The following CAMKMT variants were observed in gnomAD, a reference collection of about 807,000 sequenced individuals.
CAMKMT encodes calmodulin-lysine N-methyltransferase, also known as CaM KMT.
CAMKMT carries 53 observed loss-of-function variants against 48.0 expected under a neutral mutation model. The observed-to-expected ratio is 1.10, with a 90% confidence interval of 0.89 to 1.39. The LOEUF (loss-of-function observed/expected upper bound fraction) is 1.39. Among genes scored for constraint, CAMKMT ranks in the 40% most tolerant of loss-of-function variants. The pLI is 0.00. For missense variants in CAMKMT, 428 were observed against 402.7 expected (o/e 1.06, Z -0.54); for synonymous variants, 165 against 152.3 (o/e 1.08, Z -0.61).
chr2:44,455,302 G>T lies in CAMKMT; in HGVS notation c.376+64997G>T, dbSNP rs1305392965. ...ATGGGCAGGATGAAAGAAGTCACCA[G>T]CGATTCCAGTGGATGCTTTCTGTGT... On this transcript the variant is annotated intron_variant, in intron 3 of 10. Coordinates refer to ENST00000378494, the MANE Select transcript of CAMKMT (RefSeq NM_024766.5). 2.6e-5 allele frequency among the ~76,000 whole-genome samples: 4 copies of T among 152,172 alleles called. No homozygotes were observed. In the East Asian group the frequency reaches 7.7e-4, roughly 29 times the overall value.
At chr2:44,623,642 G>A (rs1672316998) in intron 3 of CAMKMT, among the ~76,000 whole-genome samples, 1 of 152,056 alleles carries the variant, frequency 6.6e-6, no homozygotes, top group African/African-American at 2.4e-5. Flanking sequence ...TTGTAGATGT[G>A]TGGCTTTATC....
chr2:44,380,077 TG>T (rs1680087113), intron 2 of CAMKMT, among the ~76,000 whole-genome samples: 2 of 152,196 alleles, frequency 1.3e-5, no homozygotes, highest in Non-Finnish European at 2.9e-5. Context: ...TTCAACCTCT[TG>T]GCATGTTTAG....
At chr2:44,749,283 T>C (rs1353500780) in intron 8 of CAMKMT, among the ~76,000 whole-genome samples, 1 of 152,162 alleles carries the variant, frequency 6.6e-6, no homozygotes, top group East Asian at 1.9e-4. Flanking sequence ...GAAGAGAACC[T>C]AGTCTGTTGA....
chr2:44,407,174 C>G (rs1203922845), intron 3 of CAMKMT, among the ~76,000 whole-genome samples: 1 of 152,114 alleles, frequency 6.6e-6, no homozygotes, highest in Non-Finnish European at 1.5e-5. Flanking sequence ...CTATCATTAT[C>G]TTGTGCTTAG....
At chr2:44,552,248 A>C (rs1667755860) in intron 3 of CAMKMT, among the ~76,000 whole-genome samples, 1 of 152,154 alleles carries the variant, frequency 6.6e-6, no homozygotes, top group African/African-American at 2.4e-5. Context: ...ATGTATGTTC[A>C]CAGTGATACA....
chr2:44,454,142 T>C (rs34628377), intron 3 of CAMKMT, among the ~76,000 whole-genome samples: 3 of 152,132 alleles, frequency 2.0e-5, no homozygotes, highest in Non-Finnish European at 4.4e-5. Context: ...AAAACATATA[T>C]TTTTAACTCA....
intron 9 of CAMKMT, among the ~76,000 whole-genome samples, chr2:44,760,777 G>C (rs1224129109): frequency 6.6e-6 from 1 of 152,132 alleles, no homozygotes; most frequent in African/African-American, 2.4e-5. Context: ...GGGTAGATTG[G>C]AGTAAGGGAG....
intron 3 of CAMKMT, among the ~76,000 whole-genome samples, chr2:44,611,250 G>C (rs1671581750): frequency 6.6e-6 from 1 of 152,008 alleles, no homozygotes; most frequent in Non-Finnish European, 1.5e-5. Context: ...TGGCCAACAT[G>C]GTGAAACCCC....
At chr2:44,383,641 C>T (rs1572701184) in intron 2 of CAMKMT, among the ~76,000 whole-genome samples, 1 of 152,150 alleles carries the variant, frequency 6.6e-6, no homozygotes, top group Non-Finnish European at 1.5e-5. Flanking sequence ...TCCCACTCTT[C>T]CCCGCAAGTC....
intron 3 of CAMKMT, among the ~76,000 whole-genome samples, chr2:44,423,368 C>T (rs1181445753): frequency 1.3e-5 from 2 of 152,010 alleles, no homozygotes; most frequent in Admixed American, 6.6e-5. Context: ...GTAGTAGAGA[C>T]GGGGTGTTAC....
intron 3 of CAMKMT, among the ~76,000 whole-genome samples, chr2:44,561,889 A>G (rs1290568405): frequency 1.3e-5 from 2 of 152,206 alleles, no homozygotes; most frequent in Admixed American, 6.5e-5. Flanking sequence ...GGAAAAGTCA[A>G]GGAAATCACT....
chr2:44,397,750 A>G (rs1487297654), intron 3 of CAMKMT, among the ~76,000 whole-genome samples: 2 of 152,202 alleles, frequency 1.3e-5, no homozygotes, highest in Non-Finnish European at 2.9e-5. Flanking sequence ...TTTTTAATGT[A>G]TTTTAAAAAT....
intron 3 of CAMKMT, among the ~76,000 whole-genome samples, chr2:44,573,988 C>G (rs1473000131): frequency 6.6e-6 from 1 of 152,118 alleles, no homozygotes; most frequent in Non-Finnish European, 1.5e-5. Context: ...TGATTATTCT[C>G]TGTAAATTTT....
chr2:44,516,075 C>A (rs1670817217), intron 3 of CAMKMT, among the ~76,000 whole-genome samples: 1 of 152,168 alleles, frequency 6.6e-6, no homozygotes, highest in Non-Finnish European at 1.5e-5. Context: ...AAAATTATTT[C>A]ATTGCTTACG....
chr2:44,755,653 G>T (rs1680340837), intron 9 of CAMKMT, among the ~76,000 whole-genome samples: 1 of 152,088 alleles, frequency 6.6e-6, no homozygotes, highest in African/African-American at 2.4e-5. Flanking sequence ...CAATAGAAAA[G>T]TGCCCAAGCT....
At chr2:44,522,346 A>G (rs1671163722) in intron 3 of CAMKMT, among the ~76,000 whole-genome samples, 1 of 152,034 alleles carries the variant, frequency 6.6e-6, no homozygotes, top group African/African-American at 2.4e-5. Flanking sequence ...TTCTGTCTAA[A>G]CTGATACAAT....
intron 3 of CAMKMT, among the ~76,000 whole-genome samples, chr2:44,442,850 C>T (rs1666756458): frequency 6.6e-6 from 1 of 152,212 alleles, no homozygotes. Context: ...ATATCCTTAA[C>T]ATCTAGCACA....
At chr2:44,568,261 T>A (rs1360434940) in intron 3 of CAMKMT, among the ~76,000 whole-genome samples, 1 of 152,188 alleles carries the variant, frequency 6.6e-6, no homozygotes. Context: ...GGACCCTACT[T>A]TCATCAGTGC....
chr2:44,678,409 G>A (rs1242761034), intron 3 of CAMKMT, among the ~76,000 whole-genome samples: 1 of 152,136 alleles, frequency 6.6e-6, no homozygotes, highest in Non-Finnish European at 1.5e-5. Flanking sequence ...GAGATCATGA[G>A]GCTGCTTACT....
Sources: gnomAD v4.1 joint callset for allele counts (sites outside exome capture counted in the v4.1 genomes callset) on GRCh38, gnomAD v4.1.1 for gene constraint, MANE v1.5 for transcripts, NCBI Gene and HGNC (gene_info 2026-07-23, HGNC 2026-07-21) for gene names.